The following PRUNE2 variants were observed in gnomAD, a reference collection of about 807,000 sequenced individuals.
PRUNE2 encodes prune homolog 2 with BCH domain.
Under a neutral mutation model 252.0 loss-of-function variants are expected in PRUNE2, and 164 were observed. That is an observed-to-expected ratio of 0.65 (90% CI 0.57 to 0.74). The LOEUF (loss-of-function observed/expected upper bound fraction) is 0.74. Among genes scored for constraint, PRUNE2 ranks in the 30% least tolerant of loss-of-function variants. The pLI is 0.00. For missense variants in PRUNE2, 3,495 were observed against 3,711.0 expected, an observed-to-expected ratio of 0.94 and a Z score of 1.51; for synonymous variants, 1,292 against 1,350.2, an observed-to-expected ratio of 0.96 and a Z score of 0.94.
intron 9 of PRUNE2, among the ~76,000 whole-genome samples, chr9:76,678,012 G>C (rs898562816): frequency 4.6e-5 from 7 of 152,198 alleles, no homozygotes; most frequent in Non-Finnish European, 2.9e-5. Context: ...CAGAGAACCA[G>C]CTCCACAGAT....
rs115484000 is a variant in PRUNE2, at chr9:76,655,158, T to C, written c.8356+265A>G. 6.8e-3 allele frequency among the ~76,000 whole-genome samples: 1,041 copies of C among 152,270 alleles called. 19 individuals are homozygous for C. The highest frequency in any genetic ancestry group is 0.023 in the African/African-American group (974 of 41,548). ...ATTTGGTACAATATACAGTAGCCAA[T>C]TATCACAGGAACTGAAAACATTGGC... On this transcript the variant is annotated intron_variant, in intron 10 of 18. Transcript: ENST00000376718.
intron 2 of PRUNE2, among the ~76,000 whole-genome samples, chr9:76,851,381 A>C (rs2132563586): frequency 6.6e-6 from 1 of 152,264 alleles, no homozygotes; most frequent in South Asian, 2.1e-4. Context: ...CCCCATCTCT[A>C]CTAAAAATAC....
intron 9 of PRUNE2, among the ~76,000 whole-genome samples, chr9:76,702,873 T>C (rs1408518429): frequency 2.0e-5 from 3 of 152,288 alleles, no homozygotes; most frequent in Non-Finnish European, 2.9e-5. Flanking sequence ...TTCACTCTGG[T>C]TACTTAATTC....
At chr9:76,679,175 C>T (rs777595005) in intron 9 of PRUNE2, among the ~76,000 whole-genome samples, 4 of 152,094 alleles carry the variant, frequency 2.6e-5, no homozygotes, top group Non-Finnish European at 4.4e-5. Flanking sequence ...GGATTAAATG[C>T]GTTGATTTAG....
intron 6 of PRUNE2, chr9:76,779,527 A>C (rs1478779210): frequency 6.6e-6 from 1 of 152,184 alleles, no homozygotes; most frequent in African/African-American, 2.4e-5. Context: ...ATTTTAAGAG[A>C]AAGTTTTAGA....
At chr9:76,840,236 G>A (rs1245598410) in intron 4 of PRUNE2, among the ~76,000 whole-genome samples, 1 of 152,226 alleles carries the variant, frequency 6.6e-6, no homozygotes, top group Non-Finnish European at 1.5e-5. Flanking sequence ...CAAGTAAGAT[G>A]AAGGAAGAGT....
chr9:76,639,594 A>G (rs1168282939), intron 12 of PRUNE2, among the ~76,000 whole-genome samples: 1 of 152,224 alleles, frequency 6.6e-6, no homozygotes, highest in Non-Finnish European at 1.5e-5. Context: ...ATTGAGTTCT[A>G]TTAAGGGGCT....
chr9:76,886,404 A>T (rs1476520302), intron 1 of PRUNE2, among the ~76,000 whole-genome samples: 2 of 152,162 alleles, frequency 1.3e-5, no homozygotes, highest in African/African-American at 4.8e-5. Flanking sequence ...AGCTGATGGG[A>T]TGTGAAACAA....
At chr9:76,640,120 G>T (rs1841938659) in intron 12 of PRUNE2, among the ~76,000 whole-genome samples, 1 of 152,204 alleles carries the variant, frequency 6.6e-6, no homozygotes, top group Non-Finnish European at 1.5e-5. Flanking sequence ...TCATTAAAGA[G>T]ATTTTCTTCA....
chr9:76,867,566 TTTG>T (rs570309622), intron 1 of PRUNE2, among the ~76,000 whole-genome samples: 12 of 151,972 alleles, frequency 7.9e-5, no homozygotes, highest in East Asian at 1.9e-4. Flanking sequence ...GTTTTGCTCT[TTTG>T]TTGTTGTTGT....
chr9:76,751,059 T>C (rs138144071), intron 6 of PRUNE2, among the ~76,000 whole-genome samples: 60 of 152,346 alleles, frequency 3.9e-4, no homozygotes, highest in African/African-American at 1.4e-3. Flanking sequence ...GCTTTTTGGC[T>C]CAACATATTA....
intron 1 of PRUNE2, among the ~76,000 whole-genome samples, chr9:76,858,912 T>A (rs1048481026): frequency 2.0e-5 from 3 of 152,102 alleles, no homozygotes; most frequent in Admixed American, 6.6e-5. Flanking sequence ...AGCAAATAAT[T>A]ATTGCCTAAT....
At chr9:76,886,514 T>G (rs147794818) in intron 1 of PRUNE2, among the ~76,000 whole-genome samples, 1 of 152,230 alleles carries the variant, frequency 6.6e-6, no homozygotes, top group Non-Finnish European at 1.5e-5. Flanking sequence ...GACTTGTCCC[T>G]TGAAGCCAAG....
intron 6 of PRUNE2, chr9:76,788,228 C>T: frequency 1.9e-6 from 1 of 519,472 alleles, no homozygotes; most frequent in Non-Finnish European, 3.4e-6. Flanking sequence ...TTACTGAAGA[C>T]ATAAGAGTCA....
chr9:76,622,763 TAAG>T (rs1016471840), intron 17 of PRUNE2, among the ~76,000 whole-genome samples: 54 of 152,300 alleles, frequency 3.5e-4, no homozygotes, highest in African/African-American at 1.3e-3. Context: ...GGATCAAGAC[TAAG>T]AAGATTTTTT....
chr9:76,837,160 T>C (rs542579363), intron 4 of PRUNE2, among the ~76,000 whole-genome samples: 20 of 152,132 alleles, frequency 1.3e-4, no homozygotes, highest in African/African-American at 4.1e-4. Context: ...AATGAAGTTA[T>C]TGGCCGGGCA....
chr9:76,827,983 G>A (rs1056824987), intron 4 of PRUNE2, among the ~76,000 whole-genome samples: 1 of 152,158 alleles, frequency 6.6e-6, no homozygotes, highest in Non-Finnish European at 1.5e-5. Context: ...CGGCCAGGCA[G>A]GGCTCTATGC....
chr9:76,680,515 A>G (rs546585226), intron 9 of PRUNE2, among the ~76,000 whole-genome samples: 20 of 152,350 alleles, frequency 1.3e-4, no homozygotes, highest in African/African-American at 4.8e-4. Flanking sequence ...TAGAATTACC[A>G]TATGATTTAT....
chr9:76,865,384 C>T (rs893754998), intron 1 of PRUNE2, among the ~76,000 whole-genome samples: 5 of 152,070 alleles, frequency 3.3e-5, no homozygotes, highest in African/African-American at 1.2e-4. Flanking sequence ...TATTCTAGTA[C>T]AGTAATACAC....
Sources: allele counts gnomAD v4.1 joint callset (sites outside exome capture counted in the v4.1 genomes callset), GRCh38; gene constraint gnomAD v4.1.1; transcripts MANE v1.5; gene names NCBI Gene and HGNC (gene_info 2026-07-23, HGNC 2026-07-21).